LCLAT1: variants seen among roughly 807,000 people sequenced by gnomAD.
LCLAT1 encodes 1-AGP acyltransferase 8.
LCLAT1 carries 11 observed loss-of-function variants against 30.7 expected under a neutral mutation model. The observed-to-expected ratio is 0.36, with a 90% CI of 0.23 to 0.59. The LOEUF (loss-of-function observed/expected upper bound fraction) is 0.59, where lower values mean the gene tolerates loss of function less well. LCLAT1 is among the 20% of genes least tolerant of loss of function. The probability of loss-of-function intolerance (pLI) is 0.77; values close to 1 mark genes in which losing one functional copy is unlikely to be tolerated. For missense variants in LCLAT1, 402 were observed against 458.6 expected (o/e 0.88, Z 1.13); for synonymous variants, 155 against 151.3 (o/e 1.02, Z -0.18).
At chr2:30,614,831 A>G (rs559143025) in intron 5 of LCLAT1, among the ~76,000 whole-genome samples, 1 of 152,254 alleles carries the variant, frequency 6.6e-6, no homozygotes, top group South Asian at 2.1e-4. Flanking sequence ...TAGGCAGTAC[A>G]ATATTAGGGA....
chr2:30,452,667 T>C (rs1333486395), intron 1 of LCLAT1, among the ~76,000 whole-genome samples: 4 of 152,202 alleles, frequency 2.6e-5, no homozygotes. Context: ...TTATGAAATA[T>C]GGTCTTTGTT....
At chr2:30,639,201 C>T (rs1399240703) in intron 5 of LCLAT1, among the ~76,000 whole-genome samples, 2 of 152,196 alleles carry the variant, frequency 1.3e-5, no homozygotes, top group Non-Finnish European at 2.9e-5. Context: ...TCTGCCAGAA[C>T]ATTTGCTCTG....
At chr2:30,564,336 A>G (rs1665378989) in intron 4 of LCLAT1, among the ~76,000 whole-genome samples, 1 of 152,176 alleles carries the variant, frequency 6.6e-6, no homozygotes, top group Non-Finnish European at 1.5e-5. Flanking sequence ...ATAAAAACTA[A>G]TGAAAGAAAG....
intron 4 of LCLAT1, among the ~76,000 whole-genome samples, chr2:30,566,512 T>G (rs1342872317): frequency 2.0e-5 from 3 of 152,218 alleles, no homozygotes; most frequent in Non-Finnish European, 2.9e-5. Context: ...ATGTAACACC[T>G]TCTATAGGAG....
At chr2:30,478,511 T>C (rs1287238350) in intron 1 of LCLAT1, among the ~76,000 whole-genome samples, 1 of 152,172 alleles carries the variant, frequency 6.6e-6, no homozygotes, top group African/African-American at 2.4e-5. Flanking sequence ...TAGTTATATG[T>C]GTAAAAATAA....
intron 5 of LCLAT1, among the ~76,000 whole-genome samples, chr2:30,618,875 T>C (rs1164822528): frequency 3.3e-5 from 5 of 152,202 alleles, no homozygotes; most frequent in African/African-American, 1.2e-4. Context: ...TAAAGAGTTT[T>C]ACTTTTCCTT....
Position 30,613,513 on chromosome 2 carries a change from G to A in LCLAT1, c.629-26604G>A, listed in dbSNP as rs148879876. On this transcript the variant is annotated intron_variant, in intron 5 of 5. Coordinates refer to ENST00000379509, the MANE Select transcript of LCLAT1 (RefSeq NM_001002257.3). ...CCCTACACACCTGTGGGTGTTTCTC[G>A]TAAGGTGGGACGAGAGATTTGGAAA... Among the ~76,000 whole-genome samples, 1,471 of 151,584 alleles carry A rather than the reference G, an allele frequency of 9.7e-3. 23 individuals are homozygous for A. The highest frequency in any genetic ancestry group is 0.033 in the African/African-American group (1,381 of 41,280).
chr2:30,601,672 GCACTT>G (rs765154237), intron 5 of LCLAT1, among the ~76,000 whole-genome samples: 128,454 of 150,852 alleles, frequency 0.85, 54,612 homozygotes, highest in East Asian at 0.94. Context: ...ATTAATAGAT[GCACTT>G]TAAAACAATA....
intron 1 of LCLAT1, among the ~76,000 whole-genome samples, chr2:30,521,256 C>G (rs986637686): frequency 7.9e-5 from 12 of 152,142 alleles, no homozygotes; most frequent in African/African-American, 2.9e-4. Context: ...CAAGAAATAA[C>G]CATAAAAATG....
chr2:30,547,599 A>G (rs370251486), intron 3 of LCLAT1, among the ~76,000 whole-genome samples: 12 of 152,128 alleles, frequency 7.9e-5, no homozygotes, highest in South Asian at 2.1e-4. Context: ...AAAGAAGTCA[A>G]TGAAGGTCCA....
chr2:30,462,164 T>C (rs1682181572), intron 1 of LCLAT1, among the ~76,000 whole-genome samples: 1 of 152,194 alleles, frequency 6.6e-6, no homozygotes, highest in African/African-American at 2.4e-5. Flanking sequence ...CAGGCAGCCA[T>C]TCAAGGCCCA....
intron 5 of LCLAT1, among the ~76,000 whole-genome samples, chr2:30,599,031 A>G (rs1365880058): frequency 1.3e-5 from 2 of 150,996 alleles, no homozygotes; most frequent in African/African-American, 4.9e-5. Flanking sequence ...GGTCCAGGCT[A>G]GAGTGCAGTG....
intron 1 of LCLAT1, among the ~76,000 whole-genome samples, chr2:30,465,734 C>CT (rs1682386001): frequency 6.6e-6 from 1 of 152,010 alleles, no homozygotes; most frequent in African/African-American, 2.4e-5. Context: ...AATATTTTGA[C>CT]TTTTTTTAAG....
chr2:30,469,932 T>C (rs1414697659), intron 1 of LCLAT1, among the ~76,000 whole-genome samples: 1 of 152,126 alleles, frequency 6.6e-6, no homozygotes, highest in South Asian at 2.1e-4. Flanking sequence ...CGTTTCGCTG[T>C]GTTGGCCAAG....
rs574267286 is a variant in LCLAT1 at position 30,558,948 on chromosome 2, A to G, written c.365-3198A>G. Among the ~76,000 whole-genome samples the G allele has an allele frequency of 5.9e-5, 9 of 152,168 alleles. No individual in the cohort carries two copies. In the South Asian group the frequency reaches 1.9e-3, roughly 32 times the overall value. On this transcript the variant is annotated intron_variant, in intron 3 of 5. Coordinates refer to ENST00000379509, the MANE Select transcript of LCLAT1 (RefSeq NM_001002257.3). ...TATTCCTAATATACAAGGAATCTTCATAAGAAGTATAAATAAACTGTATAT... is the reference window on the plus strand; with the variant it reads ...TATTCCTAATATACAAGGAATCTTCGTAAGAAGTATAAATAAACTGTATAT...
chr2:30,522,761 A>G (rs1685538393), intron 1 of LCLAT1, among the ~76,000 whole-genome samples: 1 of 152,196 alleles, frequency 6.6e-6, no homozygotes, highest in African/African-American at 2.4e-5. Context: ...ACACCTTTCT[A>G]CCTGCTTAAG....
At chr2:30,620,401 A>G (rs1668187680) in intron 5 of LCLAT1, among the ~76,000 whole-genome samples, 1 of 152,190 alleles carries the variant, frequency 6.6e-6, no homozygotes, top group Non-Finnish European at 1.5e-5. Context: ...GAGTTTGAGA[A>G]CTACTGTCAT....
chr2:30,559,266 G>C (rs1272279143), intron 3 of LCLAT1, among the ~76,000 whole-genome samples: 1 of 152,094 alleles, frequency 6.6e-6, no homozygotes, highest in African/African-American at 2.4e-5. Context: ...TGATAGCCAG[G>C]CATATATGTA....
chr2:30,528,131 C>T (rs1262447877), intron 2 of LCLAT1, among the ~76,000 whole-genome samples: 9 of 152,312 alleles, frequency 5.9e-5, no homozygotes, highest in East Asian at 1.9e-4. Flanking sequence ...CAGTGACTCA[C>T]GTGTGTAGTA....
Sources: gnomAD v4.1 joint callset for allele counts (sites outside exome capture counted in the v4.1 genomes callset) on GRCh38, gnomAD v4.1.1 for gene constraint, MANE v1.5 for transcripts, NCBI Gene and HGNC (gene_info 2026-07-23, HGNC 2026-07-21) for gene names.